The following TRIM24 variants were observed in gnomAD, a reference collection of about 807,000 sequenced individuals.
TRIM24 encodes the protein transcription intermediary factor 1-alpha.
TRIM24 carries 29 observed loss-of-function variants against 123.9 expected under a neutral mutation model. The observed-to-expected ratio is 0.23, with a 90% CI of 0.17 to 0.32. The LOEUF (loss-of-function observed/expected upper bound fraction) is 0.32. TRIM24 is among the 10% of genes least tolerant of loss of function. The pLI, the probability that TRIM24 is intolerant of heterozygous loss-of-function variation, is 1.00. For missense variants in TRIM24, 932 were observed against 1,295.3 expected, an observed-to-expected ratio of 0.72 and a Z score of 4.31; for synonymous variants, 456 against 461.1, an observed-to-expected ratio of 0.99 and a Z score of 0.14.
intron 10 of TRIM24, among the ~76,000 whole-genome samples, chr7:138,569,972 ATC>A (rs1181829246): frequency 2.0e-5 from 3 of 147,558 alleles, no homozygotes; most frequent in Admixed American, 6.7e-5. Flanking sequence ...TTGAGGCAGA[ATC>A]TCTCTCTCTG....
At position 138,547,657 on chromosome 7, in the gene TRIM24, A is replaced by T. The variant is rs557914370; in HGVS notation, c.1144-3406A>T. ...AAACACTTTGCTACATATTCTACCT[A>T]GTCCCAAAATAAGTTATTTATTTAT... On this transcript the variant is annotated intron_variant, in intron 7 of 18. Coordinates refer to ENST00000343526, the MANE Select transcript of TRIM24 (RefSeq NM_015905.3). Among the ~76,000 whole-genome samples, 23 of 152,294 alleles carry T rather than the reference A, an allele frequency of 1.5e-4. No homozygotes were observed. In the East Asian group the frequency reaches 3.9e-3, roughly 26 times the overall value.
At chr7:138,462,266 T>C (rs1795005527) in intron 1 of TRIM24, among the ~76,000 whole-genome samples, 1 of 152,132 alleles carries the variant, frequency 6.6e-6, no homozygotes. Context: ...AGGAACTGCC[T>C]GTGTAGATGT....
At chr7:138,501,640 C>A (rs912459613) in intron 1 of TRIM24, among the ~76,000 whole-genome samples, 1 of 152,058 alleles carries the variant, frequency 6.6e-6, no homozygotes, top group African/African-American at 2.4e-5. Context: ...GTAATCCCAG[C>A]ACTTTGGGAG....
At chr7:138,465,364 A>C (rs1003446940) in intron 1 of TRIM24, among the ~76,000 whole-genome samples, 15 of 152,350 alleles carry the variant, frequency 9.8e-5, no homozygotes, top group African/African-American at 3.6e-4. Context: ...TAAGAAAACA[A>C]ACTGATCTTA....
At chr7:138,544,834 A>G (rs1408247233) in intron 7 of TRIM24, among the ~76,000 whole-genome samples, 7 of 152,190 alleles carry the variant, frequency 4.6e-5, no homozygotes, top group Admixed American at 3.3e-4. Context: ...TATAAATTCA[A>G]ACTCTTTGCC....
At position 138,551,045 on chromosome 7, in the gene TRIM24, C is replaced by T. The variant is rs959676250; in HGVS notation, c.1144-18C>T. On this transcript the variant is annotated intron_variant, in intron 7 of 18. Transcript: ENST00000343526. ...AATTATTTGCCTAATATTTAGTTAT[C>T]TCTCCTTTTTCTTCTAGATTACATA... 29 of 1,600,576 alleles carry T rather than the reference C, an allele frequency of 1.8e-5. No homozygotes were observed. Among genetic ancestry groups the T allele is most frequent in the African/African-American group, 4.0e-5 (3 of 74,570 alleles).
chr7:138,500,778 G>C (rs1372882403), intron 1 of TRIM24, among the ~76,000 whole-genome samples: 1 of 151,868 alleles, frequency 6.6e-6, no homozygotes, highest in African/African-American at 2.4e-5. Context: ...AAGTATGATA[G>C]GGTGTACTTA....
At chr7:138,551,219 T>G (rs754976877) in intron 8 of TRIM24, 39 bp downstream of exon 8, 47 of 1,519,162 alleles carry the variant, frequency 3.1e-5, no homozygotes, top group Non-Finnish European at 4.2e-5. Context: ...CAGTGGCATT[T>G]GTCTGTAAAA....
In TRIM24 at chr7:138,580,547, A is replaced by ATTGTCCC. The variant is rs746469112; in HGVS notation, c.2586-14_2586-8dup. On this transcript the variant is annotated splice_polypyrimidine_tract_variant and intron_variant, in intron 15 of 18. Coordinates refer to ENST00000343526, the MANE Select transcript of TRIM24 (RefSeq NM_015905.3). ...TGATGCATTAGGAATTCAAAAGTAC[A>ATTGTCCC]TTGTCCCCTAACAGTGGAGAGTGGA... The ATTGTCCC allele has an allele frequency of 1.2e-6, 2 of 1,603,200 alleles. No homozygotes were observed. Among genetic ancestry groups the ATTGTCCC allele is most frequent in the East Asian group, 2.2e-5 (1 of 44,730 alleles).
chr7:138,563,331 A>AT (rs879597053), intron 9 of TRIM24, among the ~76,000 whole-genome samples: 12 of 151,708 alleles, frequency 7.9e-5, no homozygotes, highest in African/African-American at 2.9e-4. Flanking sequence ...CTGGACACTG[A>AT]TTTTTTCCAG....
rs186991069 is a variant in TRIM24 at position 138,473,169 on chromosome 7, A to G, written c.364+12257A>G. ...GTGGCATGTGCCTGTAGTTCCAGCT[A>G]CTCGGGAGGCTGAGGCAGGAGAATT... On this transcript the variant is annotated intron_variant, in intron 1 of 18. Coordinates refer to ENST00000343526, the MANE Select transcript of TRIM24 (RefSeq NM_015905.3). 7.2e-4 allele frequency among the ~76,000 whole-genome samples: 110 copies of G among 152,162 alleles called. 1 individual carries two copies. Among genetic ancestry groups the G allele is most frequent in the African/African-American group, 2.6e-3 (110 of 41,510 alleles).
At chr7:138,463,221 G>A (rs188757552) in intron 1 of TRIM24, among the ~76,000 whole-genome samples, 1 of 151,316 alleles carries the variant, frequency 6.6e-6, no homozygotes, top group Admixed American at 6.6e-5. Flanking sequence ...GTTTAAGGTT[G>A]GTTTTTCCTT....
chr7:138,582,126 C>T (rs949251891), intron 17 of TRIM24, among the ~76,000 whole-genome samples: 2 of 152,122 alleles, frequency 1.3e-5, no homozygotes, highest in Admixed American at 1.3e-4. Flanking sequence ...CTACATTTTC[C>T]GTACTTATTT....
chr7:138,567,579 C>T lies in TRIM24; in HGVS notation c.1629C>T (p.Asn543=). The T allele has an allele frequency of 6.2e-7, 1 of 1,613,968 alleles. No homozygotes were observed. Among genetic ancestry groups the T allele is most frequent in the Non-Finnish European group, 8.5e-7 (1 of 1,179,948 alleles). ...PHPQQLRYPP[N]QNIPRQAIKP... Reference sequence around the variant, plus strand: ...CTCAACAACTGAGATATCCACCAAACCAGAACATACCACGACAAGCAATAA... The same window carrying T: ...CTCAACAACTGAGATATCCACCAAATCAGAACATACCACGACAAGCAATAA... The change falls in exon 10 of 19, where the codon AAC becomes AAT. Residue 543 remains asparagine, a synonymous_variant. Transcript: ENST00000343526.
intron 1 of TRIM24, among the ~76,000 whole-genome samples, chr7:138,501,374 G>C (rs1050789260): frequency 2.0e-4 from 30 of 151,958 alleles, no homozygotes; most frequent in Non-Finnish European, 2.6e-4. Context: ...GGGACTACAG[G>C]CACATGCCAC....
At position 138,504,531 on chromosome 7, in the gene TRIM24, C is replaced by T. The variant is rs574037330; in HGVS notation, c.483+123C>T. 3 of 547,900 alleles carry T rather than the reference C, an allele frequency of 5.5e-6. No individual in the cohort carries two copies. The South Asian group carries it at 1.2e-4, about 23-fold the overall frequency. 33.9% of individuals were successfully genotyped at this position (547,900 alleles called of 1,614,324 possible). The stretch of plus-strand genomic sequence containing the variant: ...CAGGAGTTCACAAGTGGCGCAATCT[C>T]CGTTCACTGCAAGCTCCTCCCCACA... On this transcript the variant is annotated intron_variant, in intron 2 of 18. Transcript: ENST00000343526.
chr7:138,575,379 T>G (rs1410817127), intron 12 of TRIM24, among the ~76,000 whole-genome samples: 1 of 152,054 alleles, frequency 6.6e-6, no homozygotes, highest in Admixed American at 6.5e-5. Flanking sequence ...TGCAGCCTCA[T>G]ACGCTTGGGC....
Position 138,586,657 on chromosome 7 carries a change from G to A in TRIM24, c.*1706G>A, listed in dbSNP as rs1041634793. On this transcript the variant is annotated 3_prime_UTR_variant, in exon 19 of 19. Coordinates refer to ENST00000343526, the MANE Select transcript of TRIM24 (RefSeq NM_015905.3). ...GCATTTGACATTTGTTCTCCAAAGAGTGTTTGAACAGATTTTGATAACAGT... is the reference window on the plus strand; with the variant it reads ...GCATTTGACATTTGTTCTCCAAAGAATGTTTGAACAGATTTTGATAACAGT... The A allele has an allele frequency of 1.3e-5, 2 of 152,332 alleles. No homozygotes were observed. Among genetic ancestry groups the A allele is most frequent in the South Asian group, 4.1e-4 (2 of 4,828 alleles). 9.4% of individuals were successfully genotyped at this position (152,332 alleles called of 1,614,324 possible). A position where few individuals can be genotyped will look rare whatever the true frequency, so the allele number is the denominator to read the frequency against.
chr7:138,574,988 G>T (rs1305203332), intron 12 of TRIM24, among the ~76,000 whole-genome samples: 1 of 152,088 alleles, frequency 6.6e-6, no homozygotes, highest in African/African-American at 2.4e-5. Context: ...TTGAAGCAGT[G>T]CCCAAATATG....
Sources: gnomAD v4.1 joint callset for allele counts (sites outside exome capture counted in the v4.1 genomes callset) on GRCh38, gnomAD v4.1.1 for gene constraint, MANE v1.5 for transcripts, NCBI Gene and HGNC (gene_info 2026-07-23, HGNC 2026-07-21) for gene names.